The following ZNF680 variants were observed in gnomAD, a reference collection of about 807,000 sequenced individuals.
ZNF680 encodes the protein hypothetical protein FLJ90430.
Under a neutral mutation model 12.1 loss-of-function variants are expected in ZNF680, and 6 were observed. The ratio of observed to expected loss-of-function variants is 0.49; its 90% CI spans 0.27 to 0.98. The LOEUF (loss-of-function observed/expected upper bound fraction) is 0.98. ZNF680 is among the 50% of genes least tolerant of loss of function. The pLI is 0.12. For missense variants in ZNF680, 561 were observed against 616.3 expected (o/e 0.91, Z 0.95); for synonymous variants, 170 against 199.3 (o/e 0.85, Z 1.24).
the ZNF680 span, among the ~76,000 whole-genome samples, chr7:64,505,948 G>A: frequency 6.6e-6 from 1 of 151,942 alleles, no homozygotes; most frequent in Non-Finnish European, 1.5e-5. Flanking sequence ...AAGTGTTTTT[G>A]TGTCCCTTTC....
chr7:64,552,314 A>G (rs1472745756), intron 1 of ZNF680, among the ~76,000 whole-genome samples: 18 of 152,228 alleles, frequency 1.2e-4, no homozygotes, highest in Non-Finnish European at 1.5e-5. Flanking sequence ...TGGCCTCCCT[A>G]AGTGCTGTGA....
the ZNF680 span, chr7:64,500,712 C>G: frequency 8.0e-6 from 2 of 250,138 alleles, no homozygotes; most frequent in African/African-American, 4.6e-5. Context: ...CGTTGCCGAC[C>G]TCGAGCAGCA....
intron 3 of ZNF680, among the ~76,000 whole-genome samples, chr7:64,522,874 T>A (rs1791620351): frequency 6.6e-6 from 1 of 151,274 alleles, no homozygotes; most frequent in Non-Finnish European, 1.5e-5. Context: ...GTCAAAGTCA[T>A]GAAAAAAATA....
chr7:64,548,908 G>A (rs888178603), intron 1 of ZNF680, among the ~76,000 whole-genome samples: 1 of 152,002 alleles, frequency 6.6e-6, no homozygotes, highest in African/African-American at 2.4e-5. Context: ...GGATCACGAG[G>A]TCAGGAGTTT....
Position 64,563,033 on chromosome 7 carries a change from G to C in ZNF680, c.-79C>G, listed in dbSNP as rs1008891760. Reference sequence around the variant, plus strand: ...CTCTAGGAGCAGAATACACAGAGCAGTAAAGACTAGACCTGGAGCTCCCGC... The same window carrying C: ...CTCTAGGAGCAGAATACACAGAGCACTAAAGACTAGACCTGGAGCTCCCGC... On this transcript the variant is annotated 5_prime_UTR_variant, in exon 1 of 4. Coordinates refer to ENST00000309683, the MANE Select transcript of ZNF680 (RefSeq NM_178558.5). 1.2e-5 allele frequency: 18 copies of C among 1,544,606 alleles called. No homozygotes were observed. Among genetic ancestry groups the C allele is most frequent in the African/African-American group, 2.7e-5 (2 of 73,350 alleles).
the ZNF680 span, among the ~76,000 whole-genome samples, chr7:64,507,613 T>C: frequency 6.6e-6 from 1 of 151,802 alleles, no homozygotes; most frequent in African/African-American, 2.4e-5. Context: ...GTGATTCTCC[T>C]GCCTCAGCCT....
intron 3 of ZNF680, among the ~76,000 whole-genome samples, chr7:64,526,864 C>T (rs1191536700): frequency 1.3e-5 from 2 of 152,210 alleles, no homozygotes; most frequent in Non-Finnish European, 2.9e-5. Context: ...GTAATCTCCA[C>T]TTTTCAAGAT....
At chr7:64,550,198 A>C (rs1189005065) in intron 1 of ZNF680, among the ~76,000 whole-genome samples, 2 of 152,258 alleles carry the variant, frequency 1.3e-5, no homozygotes, top group Non-Finnish European at 2.9e-5. Context: ...TTTATTTACA[A>C]AAATAAAATC....
chr7:64,501,688 G>A, the ZNF680 span: 5 of 1,049,248 alleles, frequency 4.8e-6, no homozygotes, highest in Non-Finnish European at 7.4e-6. Context: ...TGAGGAAGGA[G>A]AGGATGACAG....
At chr7:64,532,198 G>A (rs1250366724) in intron 3 of ZNF680, among the ~76,000 whole-genome samples, 1 of 151,864 alleles carries the variant, frequency 6.6e-6, no homozygotes. Flanking sequence ...CCAGCTACTC[G>A]GGAGGCTGAG....
the ZNF680 span, chr7:64,501,582 G>A: frequency 2.6e-6 from 2 of 760,086 alleles, no homozygotes; most frequent in African/African-American, 1.7e-5. Context: ...TGAGGGGGGC[G>A]CAGATGACTC....
chr7:64,547,447 A>G (rs911787200), intron 1 of ZNF680, among the ~76,000 whole-genome samples: 1 of 152,222 alleles, frequency 6.6e-6, no homozygotes, highest in Admixed American at 6.5e-5. Flanking sequence ...ACATGTACAC[A>G]TGTACTAGCG....
chr7:64,518,495 C>A (rs1435166469), downstream of ZNF680, among the ~76,000 whole-genome samples: 5 of 151,912 alleles, frequency 3.3e-5, no homozygotes, highest in African/African-American at 1.2e-4. Flanking sequence ...GACTACATTG[C>A]CAAAAGCAAT....
chr7:64,504,780 G>A, the ZNF680 span, among the ~76,000 whole-genome samples: 1 of 152,090 alleles, frequency 6.6e-6, no homozygotes, highest in African/African-American at 2.4e-5. Context: ...TAATTTAATC[G>A]GCTGTTATTT....
downstream of ZNF680, among the ~76,000 whole-genome samples, chr7:64,517,692 T>A (rs1419173124): frequency 6.8e-6 from 1 of 147,376 alleles, no homozygotes. Context: ...TAAAATCCTT[T>A]AAAAAAAAAA....
chr7:64,546,281 A>G (rs1014287463), intron 1 of ZNF680, among the ~76,000 whole-genome samples: 2 of 152,056 alleles, frequency 1.3e-5, no homozygotes, highest in Non-Finnish European at 2.9e-5. Flanking sequence ...GACAAATTAC[A>G]CTTGTATCTT....
intron 3 of ZNF680, among the ~76,000 whole-genome samples, chr7:64,526,970 G>A (rs1042913456): frequency 6.6e-6 from 1 of 152,208 alleles, no homozygotes; most frequent in African/African-American, 2.4e-5. Flanking sequence ...GGGCAAGGTG[G>A]CTCACACCTG....
the ZNF680 span, among the ~76,000 whole-genome samples, chr7:64,514,491 C>T: frequency 6.6e-6 from 1 of 152,060 alleles, no homozygotes; most frequent in Non-Finnish European, 1.5e-5. Flanking sequence ...AGCTGTAAAA[C>T]TTTAACAAAT....
intron 1 of ZNF680, among the ~76,000 whole-genome samples, chr7:64,549,525 G>A (rs975146088): frequency 3.9e-5 from 6 of 152,158 alleles, no homozygotes; most frequent in African/African-American, 1.2e-4. Flanking sequence ...GCCCTGTATT[G>A]TAAATCCCAG....
Sources: gnomAD v4.1 joint callset for allele counts (sites outside exome capture counted in the v4.1 genomes callset) on GRCh38, gnomAD v4.1.1 for gene constraint, MANE v1.5 for transcripts, NCBI Gene and HGNC (gene_info 2026-07-23, HGNC 2026-07-21) for gene names.